The following MYOM1 variants were observed in gnomAD, a reference collection of about 807,000 sequenced individuals.
MYOM1 encodes myomesin-1.
Under a neutral mutation model 205.3 loss-of-function variants are expected in MYOM1, and 164 were observed. The ratio of observed to expected loss-of-function variants is 0.80; its 90% CI spans 0.70 to 0.91. The LOEUF is 0.91. Ranked by LOEUF, MYOM1 falls within the 40% of genes least tolerant of loss-of-function variation. MYOM1 has a pLI of 0.00. For missense variants in MYOM1, 2,011 were observed against 2,127.3 expected (o/e 0.95, Z 1.08); for synonymous variants, 772 against 789.4 (o/e 0.98, Z 0.37).
At chr18:3,150,434 T>C (rs2080201671) in intron 12 of MYOM1, among the ~76,000 whole-genome samples, 1 of 147,730 alleles carries the variant, frequency 6.8e-6, no homozygotes, top group Non-Finnish European at 1.5e-5. Context: ...ATTGTGAATG[T>C]AGCACAGACC....
chr18:3,197,982 C>T (rs192105605), intron 2 of MYOM1, among the ~76,000 whole-genome samples: 1 of 152,274 alleles, frequency 6.6e-6, no homozygotes, highest in Non-Finnish European at 1.5e-5. Context: ...GTCATACTGC[C>T]CATGATGACT....
rs539356869 is a variant in MYOM1, at chr18:3,128,199, T to TA, written c.2794+1032dup. Among the ~76,000 whole-genome samples the TA allele has an allele frequency of 3.7e-3, 560 of 152,324 alleles. 6 individuals are homozygous for TA. Among genetic ancestry groups the TA allele is most frequent in the African/African-American group, 0.013 (528 of 41,572 alleles). ...CCAACCTCCTTTATTCCTCACATTT[T>TA]AAAAAAGCTTTCTCTCTCTCCCTCT... On this transcript the variant is annotated intron_variant, in intron 18 of 37. Coordinates refer to ENST00000356443, the MANE Select transcript of MYOM1 (RefSeq NM_003803.4).
Position 3,075,259 on chromosome 18 carries a change from G to A in MYOM1, c.4708+195C>T, listed in dbSNP as rs11081001. Among the ~76,000 whole-genome samples the A allele has an allele frequency of 0.15, 22,271 of 152,132 alleles. 1,873 individuals are homozygous for A. The highest frequency in any genetic ancestry group is 0.32 in the East Asian group (1,651 of 5,178). ...AGGGTAGGGTGACATTCTTTACAAT[G>A]TAACCTGAGACCTTCTTTTCCTAGA... On this transcript the variant is annotated intron_variant, in intron 36 of 37. Coordinates refer to ENST00000356443, the MANE Select transcript of MYOM1 (RefSeq NM_003803.4).
chr18:3,217,432 G>A (rs150849899), intron 1 of MYOM1, among the ~76,000 whole-genome samples: 3 of 152,348 alleles, frequency 2.0e-5, no homozygotes, highest in Non-Finnish European at 2.9e-5. Flanking sequence ...ATGTGGGAAA[G>A]TATCAGTTTG....
rs16944373 is a variant in MYOM1, at chr18:3,079,467, T to C, written c.4485-125A>G. The C allele has an allele frequency of 4.2e-4, 454 of 1,080,504 alleles. 1 individual carries two copies. In the African/African-American group the frequency reaches 6.7e-3, roughly 16 times the overall value. The allele number at this position is 1,080,504 out of a possible 1,614,324, so 66.9% of individuals were successfully genotyped here. ...TTTCAAAAAACGAGGGATCTGCATATGTTATTCTTCTGCTTCAGAAAAATT... is the reference window on the plus strand; with the variant it reads ...TTTCAAAAAACGAGGGATCTGCATACGTTATTCTTCTGCTTCAGAAAAATT... On this transcript the variant is annotated intron_variant, in intron 33 of 37. Coordinates refer to ENST00000356443, the MANE Select transcript of MYOM1 (RefSeq NM_003803.4).
chr18:3,224,447 T>C (rs2081343956), upstream of MYOM1, among the ~76,000 whole-genome samples: 1 of 152,108 alleles, frequency 6.6e-6, no homozygotes, highest in Non-Finnish European at 1.5e-5. Flanking sequence ...TTTCCCAGTT[T>C]TGGAAAGGGG....
In MYOM1 at chr18:3,079,184, C is replaced by A. The variant is rs2079055237; in HGVS notation, c.4643G>T (p.Gly1548Val). 1 of 1,613,500 alleles carries A rather than the reference C, an allele frequency of 6.2e-7. No homozygotes were observed. The highest frequency in any genetic ancestry group is 1.7e-5 in the Admixed American group (1 of 59,966). Residue 1548 changes from glycine to valine, a missense_variant, in exon 34 of 38, where the codon GGA becomes GTA. Coordinates refer to ENST00000356443, the MANE Select transcript of MYOM1 (RefSeq NM_003803.4). ...TCTGCAAAATATCTGTTTACCTTGTCCAGAGAGATCCACTGTCTTCTGATG... is the reference window on the plus strand; with the variant it reads ...TCTGCAAAATATCTGTTTACCTTGTACAGAGAGATCCACTGTCTTCTGATG... ...TGHQKTVDLSGQAYDEAYAEF... is the reference protein window; with the variant it reads ...TGHQKTVDLSVQAYDEAYAEF...
rs190412351 is a variant in MYOM1, at chr18:3,151,199, C to T, written c.1843+495G>A. Among the ~76,000 whole-genome samples, 11 of 151,592 alleles carry T rather than the reference C, an allele frequency of 7.3e-5. No homozygotes were observed. In the East Asian group the frequency reaches 1.7e-3, roughly 24 times the overall value. ...GAACTCAGACATAGATTAGATATAA[C>T]GTTGTCTATCTGTTTTTCCTTTGAT... On this transcript the variant is annotated intron_variant, in intron 12 of 37. Coordinates refer to ENST00000356443, the MANE Select transcript of MYOM1 (RefSeq NM_003803.4).
chr18:3,216,432 A>G (rs2081268361), intron 1 of MYOM1, among the ~76,000 whole-genome samples: 2 of 152,240 alleles, frequency 1.3e-5, no homozygotes, highest in African/African-American at 2.4e-5. Context: ...CCAGAGAAAA[A>G]CAAAGCAGGT....
At chr18:3,205,879 T>C (rs747598872) in intron 2 of MYOM1, among the ~76,000 whole-genome samples, 19 of 152,330 alleles carry the variant, frequency 1.2e-4, no homozygotes, top group Non-Finnish European at 2.4e-4. Context: ...TTATTGAGTA[T>C]CTACTGTGTG....
chr18:3,116,939 C>G (rs1166454491), intron 20 of MYOM1, among the ~76,000 whole-genome samples: 2 of 152,136 alleles, frequency 1.3e-5, no homozygotes, highest in African/African-American at 4.8e-5. Context: ...TCACTGTAAC[C>G]TCGAGCTCCT....
At position 3,179,050 on chromosome 18, in the gene MYOM1, G is replaced by A. The variant is rs2144108821; in HGVS notation, c.930-2916C>T. On this transcript the variant is annotated intron_variant, in intron 5 of 37. Coordinates refer to ENST00000356443, the MANE Select transcript of MYOM1 (RefSeq NM_003803.4). This position sits in a 1 kb window ranked among gnomAD's most constrained non-coding sequence, Gnocchi z 4.4. ...ACTCAGCTAATTTTTTCTATTTTTT[G>A]TAGAGACAGGCTCTTGCTATGTTGC... is the stretch of plus-strand genomic sequence containing the variant. Among the ~76,000 whole-genome samples, 1 of 152,068 alleles carries A rather than the reference G, an allele frequency of 6.6e-6. No homozygotes were observed. Among genetic ancestry groups the A allele is most frequent in the African/African-American group, 2.4e-5 (1 of 41,448 alleles).
chr18:3,171,254 C>G (rs893414099), intron 8 of MYOM1, among the ~76,000 whole-genome samples: 9 of 152,174 alleles, frequency 5.9e-5, no homozygotes, highest in Admixed American at 3.9e-4. Flanking sequence ...CATCTCCCAT[C>G]TGCCTCACTT....
upstream of MYOM1, among the ~76,000 whole-genome samples, chr18:3,224,575 C>T (rs1001616614): frequency 6.6e-6 from 1 of 152,190 alleles, no homozygotes; most frequent in Admixed American, 6.5e-5. Context: ...ATTACCCTGT[C>T]CTCTAGACCA....
chr18:3,184,287 T>C (rs1057329418), intron 5 of MYOM1, among the ~76,000 whole-genome samples: 12 of 152,182 alleles, frequency 7.9e-5, no homozygotes, highest in Non-Finnish European at 1.5e-4. Flanking sequence ...GGATTTAACT[T>C]GAAGCAAATG....
At chr18:3,157,160 G>C (rs1209095517) in intron 10 of MYOM1, among the ~76,000 whole-genome samples, 1 of 152,208 alleles carries the variant, frequency 6.6e-6, no homozygotes, top group African/African-American at 2.4e-5. Context: ...AGCTCAGTGA[G>C]CTGGGCATCC....
intron 15 of MYOM1, 31 bp from the exon 16 acceptor site, chr18:3,134,855 A>G (rs780826582): frequency 1.2e-6 from 2 of 1,612,048 alleles, no homozygotes; most frequent in East Asian, 4.5e-5. Flanking sequence ...GATCAAACTC[A>G]AGTGGTTTTA....
rs2143661341 is a variant in MYOM1, at chr18:3,079,344, T to G, written c.4485-2A>C. 6.2e-7 allele frequency: 1 copy of G among 1,602,322 alleles called. No individual in the cohort carries two copies. Among genetic ancestry groups the G allele is most frequent in the Non-Finnish European group, 8.5e-7 (1 of 1,172,238 alleles). ...TCTGAGTACCTAATGGCGGACCCAC[T>G]GTGAAAATCGAAGAAAACTTCCTTA... On this transcript the variant is annotated splice_acceptor_variant, in intron 33 of 37. Coordinates refer to ENST00000356443, the MANE Select transcript of MYOM1 (RefSeq NM_003803.4). LOFTEE classifies it high-confidence loss of function.
At chr18:3,149,121 AT>A (rs1338533993) in intron 13 of MYOM1, 23 bp downstream of exon 13, 15 of 1,610,660 alleles carry the variant, frequency 9.3e-6, no homozygotes, top group Non-Finnish European at 1.3e-5. Context: ...CAGCAATAGT[AT>A]CTGGGGCAAC....
Sources: gnomAD v4.1 joint callset for allele counts (sites outside exome capture counted in the v4.1 genomes callset) on GRCh38, gnomAD v4.1.1 for gene constraint, Gnocchi (gnomAD v3.1) non-coding constraint, MANE v1.5 for transcripts, NCBI Gene and HGNC (gene_info 2026-07-23, HGNC 2026-07-21) for gene names.